SV2C: variants seen among roughly 807,000 people sequenced by gnomAD.
The protein encoded by SV2C is synaptic vesicle glycoprotein 2C.
Under a neutral mutation model 79.7 loss-of-function variants are expected in SV2C, and 49 were observed. The observed-to-expected ratio is 0.61, with a 90% CI of 0.49 to 0.78. The LOEUF (loss-of-function observed/expected upper bound fraction) is 0.78. Ranked by LOEUF, SV2C falls within the 30% of genes least tolerant of loss-of-function variation. The pLI, the probability that SV2C is intolerant of heterozygous loss-of-function variation, is 0.00. For missense variants in SV2C, 833 were observed against 912.9 expected, an observed-to-expected ratio of 0.91 and a Z score of 1.13; for synonymous variants, 334 against 333.2, an observed-to-expected ratio of 1.00 and a Z score of -0.03.
chr5:75,963,510 T>C, the SV2C span, among the ~76,000 whole-genome samples: 1 of 152,178 alleles, frequency 6.6e-6, no homozygotes, highest in Non-Finnish European at 1.5e-5. Context: ...AAGACATGTC[T>C]CATTTGGGTC....
At chr5:76,193,418 A>G (rs1004920092) in intron 2 of SV2C, among the ~76,000 whole-genome samples, 3 of 152,150 alleles carry the variant, frequency 2.0e-5, no homozygotes, top group Non-Finnish European at 4.4e-5. Context: ...TTTAAACACA[A>G]CAGGGTTGAG....
intron 2 of SV2C, among the ~76,000 whole-genome samples, chr5:76,190,770 T>C (rs1744075374): frequency 6.6e-6 from 1 of 152,152 alleles, no homozygotes; most frequent in African/African-American, 2.4e-5. Context: ...AAAGAAGTAA[T>C]AACATCTAAA....
At chr5:75,964,068 T>A in the SV2C span, among the ~76,000 whole-genome samples, 3 of 152,098 alleles carry the variant, frequency 2.0e-5, no homozygotes, top group Non-Finnish European at 4.4e-5. Flanking sequence ...GGGGCTTGGA[T>A]TGTTTAAGGT....
In SV2C at chr5:76,325,983, T is replaced by C. The variant is rs1748985147; in HGVS notation, c.*436T>C. The stretch of plus-strand genomic sequence containing the variant: ...GTGCTGAGAAGAGGGATTCTTTTTT[T>C]TTTTTTTTCTAACAGAGTGATATTT... On this transcript the variant is annotated 3_prime_UTR_variant, in exon 13 of 13. Transcript: ENST00000502798. 1 of 154,782 alleles carries C rather than the reference T, an allele frequency of 6.5e-6. No homozygotes were observed. The highest frequency in any genetic ancestry group is 2.0e-4 in the South Asian group (1 of 4,984). 9.6% of individuals were successfully genotyped at this position (154,782 alleles called of 1,614,324 possible).
the SV2C span, among the ~76,000 whole-genome samples, chr5:75,904,400 CAGAG>C: frequency 0.019 from 2,609 of 138,706 alleles, 63 homozygotes; most frequent in African/African-American, 0.06. Context: ...AAAACAAACC[CAGAG>C]AGAGAGAGAG....
At chr5:76,353,458 A>T (rs1156446191) in exon 13 of SV2C, 1 of 158,708 alleles carries the variant, frequency 6.3e-6, no homozygotes, top group Non-Finnish European at 1.4e-5. Flanking sequence ...GAAACAACGG[A>T]GCCAGTTTAT....
chr5:76,293,956 C>T (rs1461118955), intron 8 of SV2C, among the ~76,000 whole-genome samples: 2 of 152,210 alleles, frequency 1.3e-5, no homozygotes, highest in Non-Finnish European at 2.9e-5. Flanking sequence ...TATGCCCATA[C>T]TCTCTTCTTT....
intron 10 of SV2C, 70 bp downstream of exon 10, chr5:76,298,997 T>A (rs532964409): frequency 6.5e-7 from 1 of 1,547,658 alleles, no homozygotes; most frequent in South Asian, 1.2e-5. Context: ...AACCATGTGA[T>A]AATGTGGGCA....
chr5:75,882,193 G>A, the SV2C span, among the ~76,000 whole-genome samples: 8 of 151,224 alleles, frequency 5.3e-5, no homozygotes, highest in African/African-American at 9.8e-5. Context: ...TGCTGGATTT[G>A]GTTTGCCAGT....
the SV2C span, among the ~76,000 whole-genome samples, chr5:75,953,275 G>A: frequency 2.6e-5 from 4 of 151,888 alleles, no homozygotes; most frequent in Non-Finnish European, 5.9e-5. Context: ...TAGGCATGAG[G>A]CATCTGCTTC....
chr5:75,904,652 C>T, the SV2C span, among the ~76,000 whole-genome samples: 2 of 152,164 alleles, frequency 1.3e-5, no homozygotes, highest in African/African-American at 2.4e-5. Flanking sequence ...TTCATGTCTT[C>T]CTCCCAAGCT....
the SV2C span, among the ~76,000 whole-genome samples, chr5:75,880,387 C>T: frequency 6.6e-6 from 1 of 152,272 alleles, no homozygotes; most frequent in South Asian, 2.1e-4. Flanking sequence ...TTTCTTTGCT[C>T]CCACATCTAA....
At chr5:75,871,864 T>A in the SV2C span, among the ~76,000 whole-genome samples, 1 of 142,496 alleles carries the variant, frequency 7.0e-6, no homozygotes, top group African/African-American at 2.7e-5. Context: ...CACACGTATA[T>A]ATATTTTTAT....
the SV2C span, among the ~76,000 whole-genome samples, chr5:75,870,852 G>C: frequency 6.6e-6 from 1 of 152,190 alleles, no homozygotes; most frequent in Non-Finnish European, 1.5e-5. Flanking sequence ...GGCCAGGAGA[G>C]AGTGGCACGA....
At chr5:76,039,358 G>A in the SV2C span, among the ~76,000 whole-genome samples, 1 of 152,186 alleles carries the variant, frequency 6.6e-6, no homozygotes, top group Non-Finnish European at 1.5e-5. Context: ...ATCATCTCAT[G>A]TCCATGTAGT....
At chr5:75,910,462 G>A in the SV2C span, 1 of 601,434 alleles carries the variant, frequency 1.7e-6, no homozygotes, top group Non-Finnish European at 3.1e-6. Context: ...CTGCACTAAG[G>A]AAGTTCTTGA....
intron 4 of SV2C, among the ~76,000 whole-genome samples, chr5:76,229,775 T>A (rs1215516050): frequency 6.6e-6 from 1 of 152,164 alleles, no homozygotes; most frequent in Non-Finnish European, 1.5e-5. Context: ...TGGACCTCAA[T>A]AACTGAGAAA....
the SV2C span, among the ~76,000 whole-genome samples, chr5:75,915,697 A>G: frequency 6.6e-6 from 1 of 152,160 alleles, no homozygotes; most frequent in Non-Finnish European, 1.5e-5. Flanking sequence ...GAGAGACAGG[A>G]TTGTTCACTT....
the SV2C span, among the ~76,000 whole-genome samples, chr5:75,864,046 A>G: frequency 6.6e-6 from 1 of 152,200 alleles, no homozygotes; most frequent in Non-Finnish European, 1.5e-5. Context: ...ATTTTAGTGT[A>G]ATATTCTATA....
Sources: allele counts gnomAD v4.1 joint callset (sites outside exome capture counted in the v4.1 genomes callset), GRCh38; gene constraint gnomAD v4.1.1; transcripts MANE v1.5; gene names NCBI Gene and HGNC (gene_info 2026-07-23, HGNC 2026-07-21).